The following DCC variants were observed in gnomAD, a reference collection of about 807,000 sequenced individuals.
The protein encoded by DCC is netrin receptor DCC.
DCC carries 58 observed loss-of-function variants against 172.5 expected under a neutral mutation model. The observed-to-expected ratio is 0.34, with a 90% confidence interval of 0.27 to 0.42. The LOEUF (loss-of-function observed/expected upper bound fraction) is 0.42. DCC is among the 10% of genes least tolerant of loss of function. The pLI, the probability that DCC is intolerant of heterozygous loss-of-function variation, is 1.00. For synonymous variants in DCC, 709 were observed against 644.5 expected, an observed-to-expected ratio of 1.10 and a Z score of -1.52; for missense variants, 1,740 against 1,791.0, an observed-to-expected ratio of 0.97 and a Z score of 0.51.
At chr18:52,813,962 C>T (rs969938177) in intron 2 of DCC, among the ~76,000 whole-genome samples, 3 of 152,212 alleles carry the variant, frequency 2.0e-5, no homozygotes, top group African/African-American at 7.2e-5. Flanking sequence ...ACTGAAACTA[C>T]ACATAGGCTC....
chr18:53,023,325 T>TTATAATAAAAAATAAACATA (rs1190490004), intron 5 of DCC, among the ~76,000 whole-genome samples: 19 of 139,996 alleles, frequency 1.4e-4, no homozygotes, highest in Non-Finnish European at 2.7e-4. Context: ...ACCCTAAAAC[T>TTATAATAAAAAATAAACATA]TAGAGTATAA....
intron 12 of DCC, among the ~76,000 whole-genome samples, chr18:53,283,816 AACTCTGGTATG>A: frequency 6.6e-6 from 1 of 152,278 alleles, no homozygotes; most frequent in East Asian, 1.9e-4. Context: ...TTTTCTCATG[AACTCTGGTATG>A]ACTTTGTCAA....
chr18:52,684,757 AT>A (rs2035802524), intron 1 of DCC, among the ~76,000 whole-genome samples: 1 of 149,314 alleles, frequency 6.7e-6, no homozygotes, highest in African/African-American at 2.5e-5. Context: ...AGAAAAAAAA[AT>A]TAGGAGCAAG....
intron 5 of DCC, among the ~76,000 whole-genome samples, chr18:53,045,672 G>T (rs567971450): frequency 6.6e-6 from 1 of 151,738 alleles, no homozygotes; most frequent in Non-Finnish European, 1.5e-5. Context: ...CTTTTGATTT[G>T]CCCTGCTGTT....
At chr18:52,452,624 G>A (rs924151863) in intron 1 of DCC, among the ~76,000 whole-genome samples, 1 of 152,166 alleles carries the variant, frequency 6.6e-6, no homozygotes, top group Non-Finnish European at 1.5e-5. Flanking sequence ...CCAATACTGG[G>A]TTTTGCAATA....
intron 13 of DCC, among the ~76,000 whole-genome samples, chr18:53,321,330 C>A (rs568825633): frequency 1.3e-5 from 2 of 152,204 alleles, no homozygotes; most frequent in South Asian, 4.1e-4. Context: ...AATAATTTAT[C>A]ATGTTAATGA....
intron 13 of DCC, among the ~76,000 whole-genome samples, chr18:53,310,694 A>G (rs1248643105): frequency 6.6e-6 from 1 of 152,184 alleles, no homozygotes; most frequent in Non-Finnish European, 1.5e-5. Context: ...AATAAACATA[A>G]TAATAAAGAT....
chr18:53,328,735 A>G (rs903238760), intron 14 of DCC, among the ~76,000 whole-genome samples: 4 of 152,066 alleles, frequency 2.6e-5, no homozygotes, highest in African/African-American at 9.7e-5. Context: ...GGGTTTCACC[A>G]CGTGGGCCAG....
intron 2 of DCC, among the ~76,000 whole-genome samples, chr18:52,770,114 T>C (rs1198628737): frequency 6.6e-6 from 1 of 152,220 alleles, no homozygotes; most frequent in African/African-American, 2.4e-5. Flanking sequence ...TAGTGAAATA[T>C]AAAGCCCTGT....
chr18:52,892,668 C>T (rs754132817), intron 2 of DCC: 1 of 152,046 alleles, frequency 6.6e-6, no homozygotes, highest in Non-Finnish European at 1.5e-5. Context: ...CTTCGAGTGG[C>T]TATTATATCA....
At chr18:53,114,787 T>A (rs1247541646) in intron 7 of DCC, among the ~76,000 whole-genome samples, 1 of 151,630 alleles carries the variant, frequency 6.6e-6, no homozygotes, top group Admixed American at 6.6e-5. Flanking sequence ...CCTGGCTCCT[T>A]GATTACATTT....
chr18:52,453,727 G>T (rs1164392576), intron 1 of DCC, among the ~76,000 whole-genome samples: 1 of 152,044 alleles, frequency 6.6e-6, no homozygotes, highest in Non-Finnish European at 1.5e-5. Flanking sequence ...TCACATACGA[G>T]ATTTTTTTCC....
At chr18:52,524,414 A>G (rs1038196132) in intron 1 of DCC, among the ~76,000 whole-genome samples, 1 of 152,164 alleles carries the variant, frequency 6.6e-6, no homozygotes, top group African/African-American at 2.4e-5. Context: ...GTATAACTGC[A>G]TTTCCCTTGA....
intron 1 of DCC, among the ~76,000 whole-genome samples, chr18:52,367,784 G>A (rs1421298734): frequency 2.6e-5 from 4 of 152,166 alleles, no homozygotes; most frequent in Non-Finnish European, 4.4e-5. Context: ...CAGGAAACTC[G>A]CACTGAGGGA....
intron 25 of DCC, among the ~76,000 whole-genome samples, chr18:53,473,796 T>C (rs1250672492): frequency 6.6e-6 from 1 of 152,166 alleles, no homozygotes; most frequent in African/African-American, 2.4e-5. Flanking sequence ...TCATATCCTT[T>C]TATTTTTCAA....
At chr18:53,405,190 T>TAAAAAA (rs367591898) in intron 19 of DCC, among the ~76,000 whole-genome samples, 1 of 139,100 alleles carries the variant, frequency 7.2e-6, no homozygotes, top group Non-Finnish European at 1.5e-5. Flanking sequence ...TAATAAAAAG[T>TAAAAAA]AAAAAAAAAA....
At chr18:53,335,168 A>C (rs754034796) in intron 14 of DCC, among the ~76,000 whole-genome samples, 1 of 152,026 alleles carries the variant, frequency 6.6e-6, no homozygotes, top group Non-Finnish European at 1.5e-5. Context: ...CAGCATTTGC[A>C]GTAGTTGTTT....
intron 1 of DCC, among the ~76,000 whole-genome samples, chr18:52,571,147 G>A (rs2033283244): frequency 6.6e-6 from 1 of 152,144 alleles, no homozygotes; most frequent in African/African-American, 2.4e-5. Flanking sequence ...TAGAAAATCT[G>A]AGGAACATAA....
At chr18:53,174,414 C>T (rs147003212) in intron 8 of DCC, among the ~76,000 whole-genome samples, 83,746 of 148,910 alleles carry the variant, frequency 0.56, 24,526 homozygotes, top group East Asian at 0.73. Context: ...ATCAACCAAA[C>T]TGATAGACCG....
Sources: allele counts gnomAD v4.1 joint callset (sites outside exome capture counted in the v4.1 genomes callset), GRCh38; gene constraint gnomAD v4.1.1; transcripts MANE v1.5; gene names NCBI Gene and HGNC (gene_info 2026-07-23, HGNC 2026-07-21).